TM2D3: variants seen among roughly 807,000 people sequenced by gnomAD.
The protein encoded by TM2D3 is TM2 domain-containing protein 3.
In TM2D3, 33 loss-of-function variants were observed where a neutral mutation model predicts 27.3. That is an observed-to-expected ratio of 1.21 (90% CI 0.92 to 1.61). The LOEUF is 1.61. TM2D3 is among the 40% of genes most tolerant of loss of function. TM2D3 has a pLI of 0.00. For synonymous variants in TM2D3, 138 were observed against 122.2 expected (o/e 1.13, Z -0.85); for missense variants, 364 against 320.8 (o/e 1.13, Z -1.03).
chr15:101,651,924 G>A lies in TM2D3; in HGVS notation c.92-151C>T, dbSNP rs1896987274. 6.5e-6 allele frequency: 5 copies of A among 771,172 alleles called. No individual in the cohort carries two copies. In the East Asian group the frequency reaches 9.9e-5, roughly 15 times the overall value. The allele number at this position is 771,172 out of a possible 1,614,324, so 47.8% of individuals were successfully genotyped here. A position where few individuals can be genotyped will look rare whatever the true frequency, so the allele number is the denominator to read the frequency against. On this transcript the variant is annotated intron_variant, in intron 1 of 5. Transcript: ENST00000333202. Reference sequence around the variant, plus strand: ...TCAGCCAGAAAACACAAAGCTTAGGGACGAAACGTCAACAGAGTAGACATC... The same window carrying A: ...TCAGCCAGAAAACACAAAGCTTAGGAACGAAACGTCAACAGAGTAGACATC...
chr15:101,641,665 G>A (rs1896672895), downstream of TM2D3, among the ~76,000 whole-genome samples: 1 of 151,998 alleles, frequency 6.6e-6, no homozygotes, highest in Non-Finnish European at 1.5e-5. Context: ...CCCGATAAAG[G>A]GTCTATAACA....
chr15:101,640,792 A>C (rs1896648726), downstream of TM2D3, among the ~76,000 whole-genome samples: 1 of 152,218 alleles, frequency 6.6e-6, no homozygotes, highest in African/African-American at 2.4e-5. Context: ...TTCAGGTTCC[A>C]AGGGCTATGC....
intron 4 of TM2D3, 124 bp downstream of exon 4, chr15:101,646,601 T>C (rs1396402495): frequency 9.9e-7 from 1 of 1,005,070 alleles, no homozygotes; most frequent in Non-Finnish European, 1.5e-6. Flanking sequence ...GCTTGGCACA[T>C]CTAAAGAGCT....
chr15:101,650,392 C>T, intron 2 of TM2D3: 1 of 398,862 alleles, frequency 2.5e-6, no homozygotes, highest in African/African-American at 2.1e-5. Flanking sequence ...TTCCTGCCTC[C>T]CACGTGGCCG....
chr15:101,644,008 G>A (rs1276017093), intron 5 of TM2D3, among the ~76,000 whole-genome samples: 5 of 151,944 alleles, frequency 3.3e-5, no homozygotes, highest in African/African-American at 1.2e-4. Flanking sequence ...AACCACGATG[G>A]CAGGCTTTTG....
In TM2D3 at chr15:101,651,464, A is replaced by G. The variant is rs554885370; in HGVS notation, c.169+232T>C. ...GGAAAAATAATAGAAATAAGGTGAC[A>G]AATGAGCGTGGGATTGGAAAAAGAG... On this transcript the variant is annotated intron_variant, in intron 2 of 5. Transcript: ENST00000333202. 1.1e-4 allele frequency: 54 copies of G among 501,190 alleles called. No individual in the cohort carries two copies. The East Asian group carries it at 1.8e-3, about 16-fold the overall frequency. The allele number at this position is 501,190 out of a possible 1,614,324, so 31.0% of individuals were successfully genotyped here. A position where few individuals can be genotyped will look rare whatever the true frequency, so the allele number is the denominator to read the frequency against.
At chr15:101,638,685 G>A (rs998990455), downstream of TM2D3, among the ~76,000 whole-genome samples, 1 of 152,030 alleles carries the variant, frequency 6.6e-6, no homozygotes, top group African/African-American at 2.4e-5. Context: ...TTTTTTCCCT[G>A]TATTCACAAT....
At chr15:101,647,905 TTTC>T (rs1223415103) in intron 3 of TM2D3, among the ~76,000 whole-genome samples, 5 of 152,108 alleles carry the variant, frequency 3.3e-5, no homozygotes, top group Admixed American at 3.3e-4. Flanking sequence ...ATTATTTTTT[TTTC>T]TTTTTTTGAG....
At chr15:101,642,814 G>A (rs902470024) in intron 5 of TM2D3, among the ~76,000 whole-genome samples, 170 bp from the exon 6 acceptor site, 1 of 152,080 alleles carries the variant, frequency 6.6e-6, no homozygotes, top group South Asian at 2.1e-4. Context: ...AAATAATTAC[G>A]GGCAGGAAGA....
chr15:101,652,138 A>T (rs1897000455), intron 1 of TM2D3, 133 bp downstream of exon 1: 2 of 872,356 alleles, frequency 2.3e-6, no homozygotes, highest in Non-Finnish European at 3.6e-6. Flanking sequence ...AGATGCAGCG[A>T]CAAGCGGCCC....
chr15:101,652,247 C>A (rs755122388), intron 1 of TM2D3, 24 bp downstream of exon 1: 3 of 1,590,306 alleles, frequency 1.9e-6, no homozygotes, highest in Admixed American at 3.4e-5. Flanking sequence ...CCCCACCCGG[C>A]GCTGAACCCA....
rs1478991711 is a variant in TM2D3 at position 101,642,471 on chromosome 15, C to T, written c.*8G>A. 6 of 1,602,460 alleles carry T rather than the reference C, an allele frequency of 3.7e-6. No homozygotes were observed. The highest frequency in any genetic ancestry group is 1.7e-4 in the Middle Eastern group (1 of 6,010). On this transcript the variant is annotated 3_prime_UTR_variant, in exon 6 of 6. Coordinates refer to ENST00000333202, the MANE Select transcript of TM2D3 (RefSeq NM_078474.3). ...AAGCCCTGCTCCTTTCTGAAGCACA[C>T]ACCACAGCTAAATGTACAAAGAGCC...
chr15:101,650,282 G>A, intron 2 of TM2D3, 121 bp from the exon 3 acceptor site: 1 of 1,018,624 alleles, frequency 9.8e-7, no homozygotes, highest in South Asian at 1.8e-5. Context: ...AAGGGAAGAA[G>A]CATGGGACTG....
intron 4 of TM2D3, chr15:101,635,441 T>C (rs1251218832): frequency 6.6e-6 from 1 of 152,224 alleles, no homozygotes; most frequent in Non-Finnish European, 1.5e-5. Context: ...ATCAGGGCCA[T>C]TTTCCACTTT....
chr15:101,650,537 T>C (rs1896941763), intron 2 of TM2D3: 1 of 157,208 alleles, frequency 6.4e-6, no homozygotes, highest in Admixed American at 6.5e-5. Context: ...ACAGAGGAAG[T>C]CTGTGGCAAA....
chr15:101,649,076 A>G (rs893118688), intron 3 of TM2D3, among the ~76,000 whole-genome samples: 2 of 152,218 alleles, frequency 1.3e-5, no homozygotes, highest in African/African-American at 4.8e-5. Flanking sequence ...TTAAAAATGT[A>G]TTAATTAAAT....
intron 4 of TM2D3, chr15:101,645,513 TGTTA>T (rs1232781231): frequency 1.6e-5 from 4 of 248,338 alleles, no homozygotes. Context: ...CATGTATGAG[TGTTA>T]TGACAGAGGT....
intron 4 of TM2D3, chr15:101,634,005 T>G (rs557923354): frequency 3.2e-6 from 1 of 314,388 alleles, no homozygotes; most frequent in East Asian, 5.1e-5. Context: ...ATAGAAGATA[T>G]AAAAAGGTAC....
intron 4 of TM2D3, chr15:101,636,840 T>G: frequency 2.7e-6 from 1 of 374,080 alleles, no homozygotes. Context: ...GTTATTGTGT[T>G]TTCTTTTTCT....
Sources: gnomAD v4.1 joint callset for allele counts (sites outside exome capture counted in the v4.1 genomes callset) on GRCh38, gnomAD v4.1.1 for gene constraint, MANE v1.5 for transcripts, NCBI Gene and HGNC (gene_info 2026-07-23, HGNC 2026-07-21) for gene names.